Variants in ITGBL1 observed in about 807,000 individuals in gnomAD.
The protein encoded by ITGBL1 is integrin beta-like protein 1.
Under a neutral mutation model 68.5 loss-of-function variants are expected in ITGBL1, and 51 were observed. That is an observed-to-expected ratio of 0.74 (90% CI 0.59 to 0.94). The LOEUF (loss-of-function observed/expected upper bound fraction) is 0.94. Among genes scored for constraint, ITGBL1 ranks in the 40% least tolerant of loss-of-function variants. The pLI, the probability that ITGBL1 is intolerant of heterozygous loss-of-function variation, is 0.00. For synonymous variants in ITGBL1, 209 were observed against 227.3 expected (o/e 0.92, Z 0.72); for missense variants, 649 against 647.4 (o/e 1.00, Z -0.03).
intron 6 of ITGBL1, among the ~76,000 whole-genome samples, chr13:101,591,542 AT>A (rs561581529): frequency 2.9e-4 from 43 of 149,996 alleles, no homozygotes; most frequent in Middle Eastern, 3.4e-3. Flanking sequence ...TGATTTTGTG[AT>A]TTTTTTTTTA....
intron 2 of ITGBL1, among the ~76,000 whole-genome samples, chr13:101,532,275 C>G (rs2049496919): frequency 6.6e-6 from 1 of 152,142 alleles, no homozygotes; most frequent in Admixed American, 6.5e-5. Context: ...AAGGCAAGTT[C>G]TATCTTAAGA....
At chr13:101,672,124 A>T (rs887903462) in intron 7 of ITGBL1, among the ~76,000 whole-genome samples, 1 of 152,116 alleles carries the variant, frequency 6.6e-6, no homozygotes, top group Non-Finnish European at 1.5e-5. Flanking sequence ...TTTACAAACA[A>T]ATTAATCTTA....
In ITGBL1 at chr13:101,504,741, T is replaced by C. The variant is rs536710202; in HGVS notation, c.316+50641T>C. 7.2e-4 allele frequency among the ~76,000 whole-genome samples: 109 copies of C among 152,342 alleles called. 1 individual carries two copies. Among genetic ancestry groups the C allele is most frequent in the African/African-American group, 2.6e-3 (107 of 41,590 alleles). On this transcript the variant is annotated intron_variant, in intron 2 of 10. Transcript: ENST00000376180. ...AATTTAAAGAAGGTGAAATAGCCCT[T>C]GCAAATGATAGCTGGCTGGCTGACT...
intron 2 of ITGBL1, among the ~76,000 whole-genome samples, chr13:101,527,853 C>T (rs780109346): frequency 3.3e-5 from 5 of 151,814 alleles, no homozygotes; most frequent in Admixed American, 6.6e-5. Flanking sequence ...CAAATTTTAT[C>T]GTATTTATTT....
At chr13:101,687,096 A>G (rs1446400980) in intron 7 of ITGBL1, among the ~76,000 whole-genome samples, 2 of 151,990 alleles carry the variant, frequency 1.3e-5, no homozygotes, top group East Asian at 3.9e-4. Context: ...TTAGGGTTTA[A>G]TTTTGGTGAT....
intron 7 of ITGBL1, among the ~76,000 whole-genome samples, chr13:101,628,719 C>T (rs1015539308): frequency 6.6e-6 from 1 of 151,272 alleles, no homozygotes; most frequent in Non-Finnish European, 1.5e-5. Context: ...GGATTACAGG[C>T]GTGAGCCACC....
At chr13:101,591,194 C>T (rs1056707951) in intron 6 of ITGBL1, among the ~76,000 whole-genome samples, 3 of 152,120 alleles carry the variant, frequency 2.0e-5, no homozygotes, top group Admixed American at 6.6e-5. Flanking sequence ...TGAGTCACCA[C>T]GTCCGATGGG....
chr13:101,463,437 C>A (rs1463971517), intron 2 of ITGBL1, among the ~76,000 whole-genome samples: 1 of 152,144 alleles, frequency 6.6e-6, no homozygotes, highest in East Asian at 1.9e-4. Context: ...GTCTCAGAAC[C>A]TGCCTTTTGT....
chr13:101,557,363 G>A (rs1442989335), intron 2 of ITGBL1, among the ~76,000 whole-genome samples: 6 of 152,182 alleles, frequency 3.9e-5, no homozygotes. Flanking sequence ...ACATACATAT[G>A]TGAATACATA....
intron 7 of ITGBL1, among the ~76,000 whole-genome samples, chr13:101,668,116 A>G (rs1409253175): frequency 3.9e-5 from 6 of 152,166 alleles, no homozygotes; most frequent in African/African-American, 1.4e-4. Context: ...GGCCAGGTGC[A>G]GTTGCTCATG....
intron 2 of ITGBL1, among the ~76,000 whole-genome samples, chr13:101,539,626 C>T (rs1181445240): frequency 6.6e-6 from 1 of 151,650 alleles, no homozygotes; most frequent in Non-Finnish European, 1.5e-5. Flanking sequence ...GGAATCGCCA[C>T]ACTGACTTCC....
intron 2 of ITGBL1, among the ~76,000 whole-genome samples, chr13:101,456,090 T>C (rs950060428): frequency 6.6e-6 from 1 of 152,218 alleles, no homozygotes; most frequent in African/African-American, 2.4e-5. Context: ...ACTCATAGCA[T>C]CTTAGTCACT....
intron 8 of ITGBL1, among the ~76,000 whole-genome samples, chr13:101,705,760 G>A (rs573251754): frequency 9.8e-5 from 15 of 152,340 alleles, no homozygotes; most frequent in African/African-American, 3.6e-4. Context: ...GGTCAGGAGA[G>A]AACGGTGTCA....
At chr13:101,560,095 A>G (rs1272693064) in intron 2 of ITGBL1, among the ~76,000 whole-genome samples, 1 of 152,196 alleles carries the variant, frequency 6.6e-6, no homozygotes. Flanking sequence ...TGAAGTTTCT[A>G]TCTCAAATCA....
intron 7 of ITGBL1, among the ~76,000 whole-genome samples, chr13:101,671,127 G>C (rs1476673386): frequency 6.6e-6 from 1 of 152,028 alleles, no homozygotes; most frequent in African/African-American, 2.4e-5. Flanking sequence ...CAGATGCCTA[G>C]AAAAGACTCC....
intron 9 of ITGBL1, among the ~76,000 whole-genome samples, chr13:101,708,629 C>T (rs906958844): frequency 7.2e-5 from 11 of 152,170 alleles, no homozygotes; most frequent in African/African-American, 2.7e-4. Context: ...CCAATGCTAT[C>T]AAGTTGAAAG....
intron 7 of ITGBL1, among the ~76,000 whole-genome samples, chr13:101,630,433 A>T (rs1333065521): frequency 6.6e-6 from 1 of 152,080 alleles, no homozygotes; most frequent in Non-Finnish European, 1.5e-5. Context: ...TGTATATTTA[A>T]ATTCTTTCAT....
At chr13:101,706,695 C>G in intron 8 of ITGBL1, 61 bp from the exon 9 acceptor site, 1 of 1,537,244 alleles carries the variant, frequency 6.5e-7, no homozygotes, top group South Asian at 1.2e-5. Context: ...TTTCTTAAAA[C>G]TCTCTGCTTC....
At chr13:101,462,784 T>C (rs1418578307) in intron 2 of ITGBL1, among the ~76,000 whole-genome samples, 1 of 152,154 alleles carries the variant, frequency 6.6e-6, no homozygotes, top group Non-Finnish European at 1.5e-5. Flanking sequence ...GGCTTCACCA[T>C]GTTGGCCAGG....
Sources: allele counts gnomAD v4.1 joint callset (sites outside exome capture counted in the v4.1 genomes callset), GRCh38; gene constraint gnomAD v4.1.1; transcripts MANE v1.5; gene names NCBI Gene and HGNC (gene_info 2026-07-23, HGNC 2026-07-21).